Variants in PTPRG observed in about 807,000 individuals in gnomAD.
PTPRG encodes the protein receptor-type tyrosine-protein phosphatase gamma.
Under a neutral mutation model 165.3 loss-of-function variants are expected in PTPRG, and 102 were observed. The observed-to-expected ratio is 0.62, with a 90% CI of 0.53 to 0.73. The LOEUF (loss-of-function observed/expected upper bound fraction) is 0.73, where lower values mean the gene tolerates loss of function less well. Ranked by LOEUF, PTPRG falls within the 30% of genes least tolerant of loss-of-function variation. PTPRG has a pLI of 0.00. For missense variants in PTPRG, 1,866 were observed against 1,861.4 expected, an observed-to-expected ratio of 1.00 and a Z score of -0.05; for synonymous variants, 675 against 669.5, an observed-to-expected ratio of 1.01 and a Z score of -0.13.
intron 5 of PTPRG, among the ~76,000 whole-genome samples, chr3:62,112,383 C>T (rs372527264): frequency 7.2e-5 from 11 of 152,312 alleles, no homozygotes; most frequent in East Asian, 1.9e-4. Flanking sequence ...GGATTACAGG[C>T]GTGAGCCATC....
intron 5 of PTPRG, among the ~76,000 whole-genome samples, chr3:62,123,756 A>C (rs1193201420): frequency 6.6e-6 from 1 of 152,142 alleles, no homozygotes; most frequent in African/African-American, 2.4e-5. Context: ...ATATTTATAT[A>C]TAAATATATA....
At chr3:62,080,111 A>G (rs1701517489) in intron 5 of PTPRG, among the ~76,000 whole-genome samples, 1 of 128,490 alleles carries the variant, frequency 7.8e-6, no homozygotes, top group South Asian at 2.4e-4. Context: ...TGTTATGCCC[A>G]GGCTGGAGTG....
At chr3:61,884,769 T>C (rs867843315) in intron 2 of PTPRG, among the ~76,000 whole-genome samples, 2 of 152,220 alleles carry the variant, frequency 1.3e-5, no homozygotes, top group African/African-American at 2.4e-5. Flanking sequence ...GCCTCGTCTC[T>C]TCTTGATTTG....
At chr3:62,150,050 C>T (rs915265734) in intron 6 of PTPRG, among the ~76,000 whole-genome samples, 3 of 152,218 alleles carry the variant, frequency 2.0e-5, no homozygotes, top group African/African-American at 7.2e-5. Context: ...TTCAGGCTTT[C>T]AATCAAATGT....
At chr3:61,676,336 A>T (rs1190207005) in intron 1 of PTPRG, among the ~76,000 whole-genome samples, 1 of 151,344 alleles carries the variant, frequency 6.6e-6, no homozygotes, top group East Asian at 1.9e-4. Flanking sequence ...GGGCACGTGA[A>T]ATCCCAGCTA....
At chr3:61,811,119 G>A (rs1358821019) in intron 2 of PTPRG, among the ~76,000 whole-genome samples, 2 of 152,084 alleles carry the variant, frequency 1.3e-5, no homozygotes, top group African/African-American at 4.8e-5. Context: ...TAGGCCTGCT[G>A]TGGACATCTC....
intron 2 of PTPRG, among the ~76,000 whole-genome samples, chr3:61,834,010 T>G (rs1216206629): frequency 6.6e-6 from 1 of 152,228 alleles, no homozygotes; most frequent in Admixed American, 6.5e-5. Context: ...TAACTTAAAA[T>G]GATTAATAAC....
At chr3:61,887,215 A>G (rs1350758136) in intron 2 of PTPRG, among the ~76,000 whole-genome samples, 4 of 142,120 alleles carry the variant, frequency 2.8e-5, no homozygotes, top group African/African-American at 5.2e-5. Flanking sequence ...TGGTAAGACA[A>G]TTTCAGCCCT....
intron 1 of PTPRG, among the ~76,000 whole-genome samples, chr3:61,686,245 T>A (rs1703628992): frequency 6.6e-6 from 1 of 152,204 alleles, no homozygotes; most frequent in South Asian, 2.1e-4. Context: ...TTCTGCCCAC[T>A]AAGCCTGTCA....
chr3:62,111,894 G>A (rs759149672), intron 5 of PTPRG, among the ~76,000 whole-genome samples: 4 of 152,090 alleles, frequency 2.6e-5, no homozygotes, highest in Admixed American at 1.3e-4. Flanking sequence ...CCTCATCTAC[G>A]TGTATGTATG....
chr3:62,124,244 G>A lies in PTPRG; in HGVS notation c.616-8358G>A, dbSNP rs866511139. 4.8e-5 allele frequency: 62 copies of A among 1,279,594 alleles called. No individual in the cohort carries two copies. In the Middle Eastern group the frequency reaches 1.1e-3, roughly 23 times the overall value. The allele number at this position is 1,279,594 out of a possible 1,614,324, so 79.3% of individuals were successfully genotyped here. The stretch of plus-strand genomic sequence containing the variant: ...TTTCCTGTCATTTGACATTAACTCC[G>A]AAGGGAATTCAGAAGCCTGCAAGGA... On this transcript the variant is annotated intron_variant, in intron 5 of 29. Transcript: ENST00000474889.
At chr3:61,916,845 G>C (rs2038950210) in intron 2 of PTPRG, among the ~76,000 whole-genome samples, 1 of 152,172 alleles carries the variant, frequency 6.6e-6, no homozygotes, top group Non-Finnish European at 1.5e-5. Context: ...TTCCATTACA[G>C]ATCTCAAGCT....
intron 4 of PTPRG, among the ~76,000 whole-genome samples, chr3:62,062,586 T>G (rs1575953667): frequency 6.6e-6 from 1 of 152,224 alleles, no homozygotes. Context: ...GAGACATCTA[T>G]TTTTTGAAAA....
At chr3:61,760,779 C>T (rs2033809951) in intron 2 of PTPRG, among the ~76,000 whole-genome samples, 2 of 152,148 alleles carry the variant, frequency 1.3e-5, no homozygotes, top group South Asian at 4.1e-4. Flanking sequence ...TCTCCAGGCC[C>T]CAGTGTGTGT....
intron 2 of PTPRG, among the ~76,000 whole-genome samples, chr3:61,923,697 T>A (rs917488731): frequency 2.8e-5 from 4 of 145,352 alleles, no homozygotes; most frequent in Admixed American, 2.7e-4. Flanking sequence ...TTTGTATTTT[T>A]TTTTTTTTTT....
At chr3:61,809,323 A>C (rs1318887816) in intron 2 of PTPRG, among the ~76,000 whole-genome samples, 1 of 152,082 alleles carries the variant, frequency 6.6e-6, no homozygotes, top group Admixed American at 6.6e-5. Flanking sequence ...CTCTTTTTTC[A>C]GAGAAAAATG....
At chr3:62,163,149 A>G (rs1005318981) in intron 7 of PTPRG, among the ~76,000 whole-genome samples, 1 of 152,138 alleles carries the variant, frequency 6.6e-6, no homozygotes, top group African/African-American at 2.4e-5. Flanking sequence ...TTCCGTCCCC[A>G]TGATCCAATC....
intron 4 of PTPRG, among the ~76,000 whole-genome samples, chr3:62,017,107 A>C (rs1026942127): frequency 2.6e-5 from 4 of 152,140 alleles, no homozygotes; most frequent in Non-Finnish European, 5.9e-5. Context: ...TCTACTGTTG[A>C]ATCTTGGCTG....
rs939047207 is a variant in PTPRG, at chr3:61,936,109, C to T, written c.191-53516C>T. Among the ~76,000 whole-genome samples, 3 of 152,190 alleles carry T rather than the reference C, an allele frequency of 2.0e-5. No homozygotes were observed. The East Asian group carries it at 5.8e-4, about 29-fold the overall frequency. ...CTTCTCTGGAGATTGCAATACAAGG[C>T]ACCATCTTGGAAGCAGAGAACAGCT... On this transcript the variant is annotated intron_variant, in intron 2 of 29. Transcript: ENST00000474889.
Sources: gnomAD v4.1 joint callset for allele counts (sites outside exome capture counted in the v4.1 genomes callset) on GRCh38, gnomAD v4.1.1 for gene constraint, MANE v1.5 for transcripts, NCBI Gene and HGNC (gene_info 2026-07-23, HGNC 2026-07-21) for gene names.